Variants in CC2D2B observed in about 807,000 individuals in gnomAD.
CC2D2B encodes coiled-coil and C2 domain containing 2B.
CC2D2B carries 128 observed loss-of-function variants against 161.2 expected under a neutral mutation model. That is an observed-to-expected ratio of 0.79 (90% CI 0.69 to 0.92). CC2D2B has a LOEUF of 0.92. CC2D2B is among the 40% of genes least tolerant of loss of function. CC2D2B has a pLI of 0.00. For missense variants in CC2D2B, 1,173 were observed against 1,375.1 expected (o/e 0.85, Z 2.32); for synonymous variants, 391 against 449.8 (o/e 0.87, Z 1.65).
chr10:95,949,364 G>A (rs2141337849), intron 9 of CC2D2B, among the ~76,000 whole-genome samples: 1 of 23,218 alleles, frequency 4.3e-5, no homozygotes, highest in South Asian at 1.4e-3. Flanking sequence ...GTAGGGACAT[G>A]GATGAAATTG....
intron 24 of CC2D2B, among the ~76,000 whole-genome samples, chr10:96,003,021 A>AAT (rs57187442): frequency 0.093 from 13,014 of 140,546 alleles, 643 homozygotes; most frequent in Middle Eastern, 0.15. Context: ...AAAATAAATA[A>AAT]ATATATATAT....
chr10:95,916,008 A>G (rs2098515652), intron 2 of CC2D2B, among the ~76,000 whole-genome samples: 1 of 152,158 alleles, frequency 6.6e-6, no homozygotes, highest in Non-Finnish European at 1.5e-5. Context: ...GCCAAAATTT[A>G]GCAGTGAAGC....
At chr10:96,019,670 C>A in intron 31 of CC2D2B, 32 bp from the exon 32 acceptor site, 1 of 1,536,768 alleles carries the variant, frequency 6.5e-7, no homozygotes, top group Non-Finnish European at 8.7e-7. Context: ...TTCCTATGGA[C>A]CTACACTAAT....
intron 20 of CC2D2B, among the ~76,000 whole-genome samples, chr10:95,990,943 G>A (rs563267950): frequency 3.3e-5 from 5 of 152,258 alleles, no homozygotes; most frequent in South Asian, 2.1e-4. Context: ...GGATTGACTC[G>A]AAGGAAATAC....
chr10:96,032,147 T>C lies in CC2D2B; in HGVS notation c.*139T>C. ...CCAATTTTTGATTCACTTACAGAGCTGGGCACTATGGAGACTCGCACCCCT... is the reference window on the plus strand; with the variant it reads ...CCAATTTTTGATTCACTTACAGAGCCGGGCACTATGGAGACTCGCACCCCT... On this transcript the variant is annotated 3_prime_UTR_variant, in exon 35 of 35. Coordinates refer to ENST00000646931, the MANE Select transcript of CC2D2B (RefSeq NM_001349008.3). The C allele has an allele frequency of 1.6e-6, 1 of 630,706 alleles. No individual in the cohort carries two copies. Among genetic ancestry groups the C allele is most frequent in the Non-Finnish European group, 2.7e-6 (1 of 366,158 alleles). 39.1% of individuals were successfully genotyped at this position (630,706 alleles called of 1,614,324 possible).
At chr10:95,942,698 T>C (rs2076064015) in intron 9 of CC2D2B, among the ~76,000 whole-genome samples, 1 of 152,178 alleles carries the variant, frequency 6.6e-6, no homozygotes, top group Admixed American at 6.5e-5. Context: ...AACTTCCATA[T>C]AAATTCAGCT....
At position 96,009,829 on chromosome 10, in the gene CC2D2B, A is replaced by T; in HGVS notation, c.2951A>T (p.His984Leu). 6.6e-7 allele frequency: 1 copy of T among 1,513,922 alleles called. No individual in the cohort carries two copies. Among genetic ancestry groups the T allele is most frequent in the Non-Finnish European group, 9.0e-7 (1 of 1,113,580 alleles). The allele number at this position is 1,513,922 out of a possible 1,614,324, so 93.8% of individuals were successfully genotyped here. The stretch of plus-strand genomic sequence containing the variant: ...AAAAATTATTTATTTTCATAGGATC[A>T]CTGTCTCAAGAGCTGTAGTGGTCAC... ...DEMMTEKHED[H>L]CLKSCSGHSY... The change falls in exon 26 of 35, where the codon CAC (histidine) becomes CTC (leucine). Residue 984 changes from histidine (H) to leucine (L), a missense_variant. His to Leu is a moderately conservative substitution (Grantham distance 99). Coordinates refer to ENST00000646931, the MANE Select transcript of CC2D2B (RefSeq NM_001349008.3).
intron 14 of CC2D2B, among the ~76,000 whole-genome samples, chr10:95,966,916 T>C (rs534426953): frequency 5.3e-5 from 8 of 152,198 alleles, no homozygotes; most frequent in African/African-American, 1.9e-4. Flanking sequence ...TTTCTCCATC[T>C]ACTAGGCCTA....
intron 6 of CC2D2B, among the ~76,000 whole-genome samples, chr10:95,929,262 ATTTG>A (rs201411484): frequency 1.3e-5 from 2 of 151,904 alleles, no homozygotes; most frequent in East Asian, 3.9e-4. Flanking sequence ...TTTCTTGTAA[ATTTG>A]TTTAAGTTAT....
rs189093630 is a variant in CC2D2B at position 95,982,808 on chromosome 10, T to C, written c.2082+695T>C. Reference sequence around the variant, plus strand: ...GTTTTTTTTAGATGGACTCTCGTTCTGTTGCCAGGCTGGAGTACAGTGGTG... The same window carrying C: ...GTTTTTTTTAGATGGACTCTCGTTCCGTTGCCAGGCTGGAGTACAGTGGTG... On this transcript the variant is annotated intron_variant, in intron 18 of 34. Coordinates refer to ENST00000646931, the MANE Select transcript of CC2D2B (RefSeq NM_001349008.3). Among the ~76,000 whole-genome samples, 7 of 152,270 alleles carry C rather than the reference T, an allele frequency of 4.6e-5. No individual in the cohort carries two copies. The East Asian group carries it at 1.4e-3, about 29-fold the overall frequency.
chr10:96,029,267 T>TAC lies in CC2D2B; in HGVS notation c.4125+1879_4125+1880insCA, dbSNP rs1418372346. Among the ~76,000 whole-genome samples the TAC allele has an allele frequency of 3.7e-3, 269 of 72,616 alleles. 4 individuals carry two copies. The highest frequency in any genetic ancestry group is 5.4e-3 in the Non-Finnish European group (210 of 39,112). 47.6% of individuals were successfully genotyped at this position (72,616 alleles called of 152,430 possible). On this transcript the variant is annotated intron_variant, in intron 34 of 34. Transcript: ENST00000646931. ...ATATATATATATATATATATATATATATATATATATATATATATGTATATA... is the reference window on the plus strand; with the variant it reads ...ATATATATATATATATATATATATATACATATATATATATATATATGTATATA...
intron 26 of CC2D2B, among the ~76,000 whole-genome samples, chr10:96,010,488 A>G (rs912879828): frequency 5.9e-5 from 9 of 152,172 alleles, no homozygotes; most frequent in Non-Finnish European, 1.2e-4. Context: ...AAATTCAGAA[A>G]TGAATTTTCT....
intron 18 of CC2D2B, 138 bp from the exon 19 acceptor site, chr10:95,983,468 G>C (rs201834964): frequency 3.2e-5 from 10 of 313,082 alleles, no homozygotes; most frequent in African/African-American, 2.9e-4. Context: ...TTTTTTGTAT[G>C]TTCTAGACTA....
Position 96,004,181 on chromosome 10 carries a change from G to T in CC2D2B, c.2879G>T (p.Ser960Ile). 1.3e-6 allele frequency: 2 copies of T among 1,552,430 alleles called. No homozygotes were observed. Among genetic ancestry groups the T allele is most frequent in the South Asian group, 1.2e-5 (1 of 81,576 alleles). The change falls in exon 25 of 35, where the codon AGC becomes ATC. Residue 960 changes from serine (S) to isoleucine (I), a missense_variant. By Grantham distance (142) the Ser-to-Ile change is moderately radical. Around this residue, in one of 3 missense-constraint regions of CC2D2B, gnomAD observed 598 missense variants for 693.2 expected, o/e 0.86. Coordinates refer to ENST00000646931, the MANE Select transcript of CC2D2B (RefSeq NM_001349008.3). ...VSPGHDYSFS[S>I]LSKIKDNIYI... ...CCAGGACATGATTATAGCTTCTCAA[G>T]CTTATCTAAAATAAAAGATAACATA...
chr10:95,969,904 G>A (rs1177322537), intron 15 of CC2D2B, among the ~76,000 whole-genome samples: 3 of 152,100 alleles, frequency 2.0e-5, no homozygotes, highest in South Asian at 2.1e-4. Flanking sequence ...CTTAGCATAT[G>A]AGCCTAACAA....
rs2077617260 is a variant in CC2D2B, at chr10:95,983,788, G to A, written c.2265G>A (p.Glu755=). 2 of 1,227,634 alleles carry A rather than the reference G, an allele frequency of 1.6e-6. No individual in the cohort carries two copies. Among genetic ancestry groups the A allele is most frequent in the Non-Finnish European group, 2.0e-6 (2 of 984,104 alleles). 76.0% of individuals were successfully genotyped at this position (1,227,634 alleles called of 1,614,324 possible). A position where few individuals can be genotyped will look rare whatever the true frequency, so the allele number is the denominator to read the frequency against. The stretch of plus-strand genomic sequence containing the variant: ...AGCAAATGCCCCTCCATGATACAGA[G>A]ATTCCAGATTTAGTCTTCCAGGTAT... ...LLQQMPLHDT[E]IPDLVFQEYE... is the part of the protein sequence containing the mutation. The change falls in exon 19 of 35, where the codon GAG becomes GAA. Residue 755 remains glutamate, a synonymous_variant. Coordinates refer to ENST00000646931, the MANE Select transcript of CC2D2B (RefSeq NM_001349008.3).
rs561405414 is a variant in CC2D2B at position 95,999,901 on chromosome 10, G to A, written c.2849+3649G>A. On this transcript the variant is annotated intron_variant, in intron 24 of 34. Coordinates refer to ENST00000646931, the MANE Select transcript of CC2D2B (RefSeq NM_001349008.3). ...TTGAACCCAGGTACCTTTCTCTCTG[G>A]CTTCTTTTTCTGATCATTTTCCTTC... 2.6e-5 allele frequency: 13 copies of A among 503,730 alleles called. No homozygotes were observed. In the East Asian group the frequency reaches 3.9e-4, roughly 15 times the overall value. 31.2% of individuals were successfully genotyped at this position (503,730 alleles called of 1,614,324 possible). A position where few individuals can be genotyped will look rare whatever the true frequency, so the allele number is the denominator to read the frequency against.
chr10:95,980,100 G>A (rs1003506141), intron 17 of CC2D2B, among the ~76,000 whole-genome samples: 4 of 151,502 alleles, frequency 2.6e-5, no homozygotes, highest in African/African-American at 9.7e-5. Flanking sequence ...AGTTTCCCAT[G>A]CCTTTTATAA....
chr10:96,011,793 G>A (rs1375567032), intron 26 of CC2D2B, among the ~76,000 whole-genome samples: 1 of 151,552 alleles, frequency 6.6e-6, no homozygotes, highest in Non-Finnish European at 1.5e-5. Flanking sequence ...TCCTACTGTG[G>A]ACCTCAGGGT....
Sources: allele counts gnomAD v4.1 joint callset (sites outside exome capture counted in the v4.1 genomes callset), GRCh38; gene constraint gnomAD v4.1.1; regional missense constraint gnomAD v4.1.1; transcripts MANE v1.5; gene names NCBI Gene and HGNC (gene_info 2026-07-23, HGNC 2026-07-21).